The following AK9 variants were observed in gnomAD, a reference collection of about 807,000 sequenced individuals.
AK9 encodes adenylate kinase 9.
A neutral mutation model predicts 239.6 loss-of-function variants in AK9; 191 were observed. The ratio of observed to expected loss-of-function variants is 0.80; its 90% confidence interval spans 0.71 to 0.90. AK9 has a LOEUF of 0.90. Ranked by LOEUF, AK9 falls within the 40% of genes least tolerant of loss-of-function variation. AK9 has a pLI of 0.00. For synonymous variants in AK9, 689 were observed against 721.0 expected, an observed-to-expected ratio of 0.96 and a Z score of 0.71; for missense variants, 1,995 against 2,214.7, an observed-to-expected ratio of 0.90 and a Z score of 1.99.
intron 1 of AK9, among the ~76,000 whole-genome samples, chr6:109,678,631 C>T (rs892992841): frequency 2.6e-5 from 4 of 152,060 alleles, no homozygotes; most frequent in Non-Finnish European, 2.9e-5. Context: ...TAACTAGTTG[C>T]CGCCCCCCAA....
intron 27 of AK9, among the ~76,000 whole-genome samples, chr6:109,536,639 T>C (rs985578651): frequency 1.3e-5 from 2 of 152,176 alleles, no homozygotes; most frequent in Non-Finnish European, 2.9e-5. Flanking sequence ...TCCAACACTA[T>C]GTTGAATAGG....
At chr6:109,529,556 T>C (rs992810540) in intron 28 of AK9, among the ~76,000 whole-genome samples, 2 of 152,196 alleles carry the variant, frequency 1.3e-5, no homozygotes, top group Non-Finnish European at 2.9e-5. Context: ...ATGACATTTA[T>C]TGTGCACTTT....
chr6:109,552,487 C>G (rs183635455), intron 24 of AK9, among the ~76,000 whole-genome samples: 1 of 152,120 alleles, frequency 6.6e-6, no homozygotes, highest in East Asian at 1.9e-4. Context: ...GTTTGCTGCC[C>G]ACATAAATGT....
intron 29 of AK9, among the ~76,000 whole-genome samples, chr6:109,526,756 T>C (rs978561077): frequency 6.6e-6 from 1 of 152,156 alleles, no homozygotes; most frequent in Non-Finnish European, 1.5e-5. Context: ...GTGAACTACT[T>C]GGTTTTCAGT....
chr6:109,539,969 A>G (rs9398204), intron 27 of AK9, among the ~76,000 whole-genome samples: 88,414 of 151,852 alleles, frequency 0.58, 27,432 homozygotes, highest in South Asian at 0.84. Context: ...TGGAAGCTTC[A>G]TCTCAGAGGG....
intron 9 of AK9, among the ~76,000 whole-genome samples, chr6:109,642,461 C>T (rs916778097): frequency 2.0e-5 from 3 of 152,120 alleles, no homozygotes; most frequent in African/African-American, 4.8e-5. Flanking sequence ...CTTCCTTATT[C>T]CACTAATGTC....
intron 16 of AK9, among the ~76,000 whole-genome samples, chr6:109,611,011 G>A (rs544638096): frequency 6.6e-6 from 1 of 152,150 alleles, no homozygotes; most frequent in Non-Finnish European, 1.5e-5. Context: ...TTGGTGTGAA[G>A]TGTGTCCTTG....
intron 23 of AK9, 36 bp downstream of exon 23, chr6:109,564,044 G>A: frequency 1.3e-6 from 2 of 1,512,352 alleles, no homozygotes; most frequent in East Asian, 4.9e-5. Flanking sequence ...ACTATCACCT[G>A]CTGTTGATAA....
At chr6:109,559,254 G>C (rs1372914506) in intron 24 of AK9, among the ~76,000 whole-genome samples, 2 of 151,136 alleles carry the variant, frequency 1.3e-5, no homozygotes, top group African/African-American at 4.9e-5. Flanking sequence ...TGCAGGCTCT[G>C]CCTCCCGGGT....
chr6:109,650,590 G>A (rs981288163), intron 8 of AK9, among the ~76,000 whole-genome samples: 34 of 152,276 alleles, frequency 2.2e-4, no homozygotes, highest in African/African-American at 7.9e-4. Flanking sequence ...AACAGGTGAT[G>A]GAGAGGATGT....
At chr6:109,566,975 C>T (rs140468475) in intron 21 of AK9, among the ~76,000 whole-genome samples, 6 of 152,232 alleles carry the variant, frequency 3.9e-5, no homozygotes, top group African/African-American at 1.2e-4. Flanking sequence ...CAAGAGAAAG[C>T]AGGCAAGATC....
At chr6:109,523,801 C>T (rs77339217) in intron 29 of AK9, among the ~76,000 whole-genome samples, 4,694 of 152,122 alleles carry the variant, frequency 0.031, 230 homozygotes, top group African/African-American at 0.11. Flanking sequence ...TACATATGGG[C>T]GGTTCAAGAA....
intron 16 of AK9, 151 bp downstream of exon 16, chr6:109,611,859 G>A (rs771566533): frequency 8.5e-6 from 5 of 591,406 alleles, no homozygotes; most frequent in Non-Finnish European, 1.5e-5. Flanking sequence ...CAACATAATA[G>A]AGTAGCCATT....
intron 27 of AK9, among the ~76,000 whole-genome samples, chr6:109,535,603 A>G (rs1009771877): frequency 6.6e-6 from 1 of 152,090 alleles, no homozygotes; most frequent in African/African-American, 2.4e-5. Context: ...GAAGTTCTTT[A>G]GTTTAATTAG....
At chr6:109,517,656 T>G (rs1449215839) in intron 29 of AK9, among the ~76,000 whole-genome samples, 1 of 152,204 alleles carries the variant, frequency 6.6e-6, no homozygotes, top group African/African-American at 2.4e-5. Context: ...TATGCTCTTA[T>G]AGCTATTATT....
chr6:109,627,894 C>T (rs1795723966), intron 12 of AK9, among the ~76,000 whole-genome samples: 1 of 152,214 alleles, frequency 6.6e-6, no homozygotes, highest in Non-Finnish European at 1.5e-5. Context: ...AAGTTAACTG[C>T]CCTCCTCAGC....
At chr6:109,546,442 G>A (rs1466731642) in intron 25 of AK9, among the ~76,000 whole-genome samples, 1 of 152,160 alleles carries the variant, frequency 6.6e-6, no homozygotes, top group Non-Finnish European at 1.5e-5. Context: ...AGAATGGAAA[G>A]ATACTTTCTT....
intron 13 of AK9, among the ~76,000 whole-genome samples, chr6:109,615,817 A>T (rs2128243756): frequency 6.6e-6 from 1 of 152,320 alleles, no homozygotes; most frequent in East Asian, 1.9e-4. Flanking sequence ...GTAAAAAGTT[A>T]AAAAAGAAAC....
intron 13 of AK9, 45 bp downstream of exon 13, chr6:109,619,047 A>T: frequency 6.6e-7 from 1 of 1,510,116 alleles, no homozygotes; most frequent in Non-Finnish European, 8.8e-7. Context: ...GCCCGGCTTA[A>T]TTTTTACCTA....
Sources: allele counts gnomAD v4.1 joint callset (sites outside exome capture counted in the v4.1 genomes callset), GRCh38; gene constraint gnomAD v4.1.1; transcripts MANE v1.5; gene names NCBI Gene and HGNC (gene_info 2026-07-23, HGNC 2026-07-21).